Variants in DUSP16 observed in about 807,000 individuals in gnomAD.
DUSP16 encodes dual specificity phosphatase 16.
A neutral mutation model predicts 58.3 loss-of-function variants in DUSP16; 21 were observed. That is an observed-to-expected ratio of 0.36 (90% CI 0.26 to 0.52). The LOEUF (loss-of-function observed/expected upper bound fraction) is 0.52, where lower values mean the gene tolerates loss of function less well. Ranked by LOEUF, DUSP16 falls within the 20% of genes least tolerant of loss-of-function variation. The pLI is 0.94. For synonymous variants in DUSP16, 320 were observed against 323.8 expected (o/e 0.99, Z 0.12); for missense variants, 726 against 819.0 (o/e 0.89, Z 1.39).
chr12:12,536,425 TAAACC>T, intron 1 of DUSP16, among the ~76,000 whole-genome samples: 1 of 152,216 alleles, frequency 6.6e-6, no homozygotes, highest in Admixed American at 6.5e-5. Context: ...TCATTGTTTA[TAAACC>T]AGAATAATTA....
chr12:12,482,201 C>T (rs977057118), intron 5 of DUSP16, among the ~76,000 whole-genome samples: 1 of 152,040 alleles, frequency 6.6e-6, no homozygotes, highest in African/African-American at 2.4e-5. Flanking sequence ...TTCTAACAAT[C>T]CCCCAAAAGA....
intron 3 of DUSP16, among the ~76,000 whole-genome samples, chr12:12,518,616 C>T (rs1439637778): frequency 1.3e-5 from 2 of 152,102 alleles, no homozygotes; most frequent in African/African-American, 2.4e-5. Flanking sequence ...TTCCTAAACT[C>T]ACCCAATTAG....
Position 12,519,865 on chromosome 12 carries a change from C to A in DUSP16, c.364G>T (p.Ala122Ser). ...TTAATTCCATCACGAGCCTTACCTG[C>A]AAGCAGGTGAACAGAGTTGAAGCTC... Reference protein sequence around the residue: ...EKSFNSVHLLAGGFAEFSRCF... With the variant: ...EKSFNSVHLLSGGFAEFSRCF... Residue 122 changes from alanine to serine, a missense_variant, in exon 3 of 7, where the codon GCA (alanine) becomes TCA (serine). Coordinates refer to ENST00000298573, the MANE Select transcript of DUSP16 (RefSeq NM_030640.3). The A allele has an allele frequency of 6.2e-7, 1 of 1,614,010 alleles. No individual in the cohort carries two copies. Among genetic ancestry groups the A allele is most frequent in the South Asian group, 1.1e-5 (1 of 91,072 alleles).
chr12:12,531,251 C>T (rs558993803), intron 1 of DUSP16, among the ~76,000 whole-genome samples: 29 of 152,142 alleles, frequency 1.9e-4, no homozygotes, highest in Non-Finnish European at 3.4e-4. Context: ...AACACCGACA[C>T]CAAACTTCTC....
chr12:12,553,583 C>T (rs1249816677), intron 1 of DUSP16, among the ~76,000 whole-genome samples: 1 of 152,198 alleles, frequency 6.6e-6, no homozygotes, highest in Non-Finnish European at 1.5e-5. Context: ...CACTCTGTTG[C>T]CCAGGCTGGA....
chr12:12,528,096 G>A (rs955382238), intron 1 of DUSP16, among the ~76,000 whole-genome samples: 2 of 152,192 alleles, frequency 1.3e-5, no homozygotes. Context: ...TCTTAGTACT[G>A]CTTCCTGTTT....
intron 3 of DUSP16, among the ~76,000 whole-genome samples, 188 bp downstream of exon 3, chr12:12,519,674 C>T (rs552863066): frequency 7.2e-5 from 11 of 152,316 alleles, no homozygotes; most frequent in African/African-American, 2.6e-4. Flanking sequence ...CAAAAATACA[C>T]TGACCTATGT....
At chr12:12,484,606 A>AC (rs1293913049) in intron 5 of DUSP16, among the ~76,000 whole-genome samples, 1 of 152,022 alleles carries the variant, frequency 6.6e-6, no homozygotes, top group Non-Finnish European at 1.5e-5. Context: ...GGGAACATTA[A>AC]CCGTAATTTA....
In DUSP16 at chr12:12,477,194, G is replaced by A; in HGVS notation, c.1637C>T (p.Pro546Leu). ...LKGWHSDILAPQTSTPSLTSS... is the reference protein window; with the variant it reads ...LKGWHSDILALQTSTPSLTSS... ...GGTCAGGGAAGGGGTAGAGGTCTGG[G>A]GGGCCAAGATATCCGAGTGCCAGCC... Residue 546 changes from proline to leucine, a missense_variant, in exon 7 of 7, where the codon CCC becomes CTC. Pro to Leu is a moderately conservative substitution (Grantham distance 98, BLOSUM62 -3). Transcript: ENST00000298573. This position sits in a 1 kb window ranked among gnomAD's most constrained non-coding sequence, Gnocchi z 4.1. 1.2e-6 allele frequency: 2 copies of A among 1,614,246 alleles called. No individual in the cohort carries two copies. The highest frequency in any genetic ancestry group is 2.2e-5 in the South Asian group (2 of 91,086).
Position 12,487,137 on chromosome 12 carries a change from G to C in DUSP16, c.582C>G (p.Thr194=), listed in dbSNP as rs778227568. The change falls in exon 5 of 7, where the codon ACC becomes ACG. Residue 194 remains threonine (T), a synonymous_variant. Coordinates refer to ENST00000298573, the MANE Select transcript of DUSP16 (RefSeq NM_030640.3). ...GIGYVLNASN[T]CPKPDFIPES... Reference sequence around the variant, plus strand: ...CGGGGATAAAGTCAGGCTTTGGACAGGTATTGCTGGCATTTAACACATAAC... The same window carrying C: ...CGGGGATAAAGTCAGGCTTTGGACACGTATTGCTGGCATTTAACACATAAC... 2.5e-6 allele frequency: 4 copies of C among 1,614,038 alleles called. No homozygotes were observed. In the African/African-American group the frequency reaches 4.0e-5, roughly 16 times the overall value.
intron 5 of DUSP16, among the ~76,000 whole-genome samples, chr12:12,481,197 A>G (rs16908146): frequency 0.064 from 9,717 of 152,254 alleles, 445 homozygotes; most frequent in East Asian, 0.18. Context: ...CATTATCTCA[A>G]TTCCCCACAA....
chr12:12,528,654 G>A (rs1045512214), intron 1 of DUSP16, among the ~76,000 whole-genome samples: 9 of 152,084 alleles, frequency 5.9e-5, no homozygotes, highest in African/African-American at 2.2e-4. Flanking sequence ...TGAAAATGTA[G>A]CAATAAATGA....
At chr12:12,548,642 A>AAAAAAG (rs1028256751) in intron 1 of DUSP16, among the ~76,000 whole-genome samples, 20 of 142,968 alleles carry the variant, frequency 1.4e-4, no homozygotes, top group East Asian at 4.1e-4. Context: ...AAAAAAAAAA[A>AAAAAAG]AAAAAGAAAA....
chr12:12,552,180 C>T (rs536293368), intron 1 of DUSP16, among the ~76,000 whole-genome samples: 106 of 152,156 alleles, frequency 7.0e-4, no homozygotes, highest in African/African-American at 2.5e-3. Flanking sequence ...GGAGCGGTGG[C>T]TGCGCCTGTA....
intron 4 of DUSP16, among the ~76,000 whole-genome samples, chr12:12,487,681 T>C (rs1330928975): frequency 6.6e-6 from 1 of 152,186 alleles, no homozygotes; most frequent in African/African-American, 2.4e-5. Context: ...GTGTGTCCTC[T>C]TAAATTTCCA....
chr12:12,519,728 A>G, intron 3 of DUSP16, 134 bp downstream of exon 3: 1 of 853,852 alleles, frequency 1.2e-6, no homozygotes, highest in Non-Finnish European at 1.8e-6. Flanking sequence ...CGGTGACATC[A>G]ATCAAAAGCT....
intron 6 of DUSP16, among the ~76,000 whole-genome samples, chr12:12,478,644 ATTAT>A (rs1943505032): frequency 1.3e-5 from 2 of 152,180 alleles, no homozygotes; most frequent in South Asian, 2.1e-4. Flanking sequence ...CCAAGAGATG[ATTAT>A]TTATTCACCA....
chr12:12,477,864 C>G lies in DUSP16; in HGVS notation c.967G>C (p.Val323Leu). ...LLHLEKPNEPVPAVSEGGQKS... is the reference protein window; with the variant it reads ...LLHLEKPNEPLPAVSEGGQKS... ...TGTCCACCCTCTGAGACAGCAGGGA[C>G]AGGTTCATTTGGCTTCTCCAGGTGC... Residue 323 changes from valine (V) to leucine (L), a missense_variant, in exon 7 of 7, where the codon GTC (valine) becomes CTC (leucine). Coordinates refer to ENST00000298573, the MANE Select transcript of DUSP16 (RefSeq NM_030640.3). This position sits in a 1 kb window ranked among gnomAD's most constrained non-coding sequence, Gnocchi z 4.1. 6.2e-7 allele frequency: 1 copy of G among 1,614,104 alleles called. No homozygotes were observed. Among genetic ancestry groups the G allele is most frequent in the Non-Finnish European group, 8.5e-7 (1 of 1,180,044 alleles).
chr12:12,558,648 G>A (rs10845576), intron 1 of DUSP16, among the ~76,000 whole-genome samples: 67,772 of 151,966 alleles, frequency 0.45, 15,585 homozygotes, highest in East Asian at 0.65. Flanking sequence ...TTAAAGTGCT[G>A]GGATTATAGG....
Sources: allele counts gnomAD v4.1 joint callset (sites outside exome capture counted in the v4.1 genomes callset), GRCh38; gene constraint gnomAD v4.1.1; non-coding constraint Gnocchi (gnomAD v3.1); transcripts MANE v1.5; gene names NCBI Gene and HGNC (gene_info 2026-07-23, HGNC 2026-07-21).